Variants in ARMC9 observed in about 807,000 individuals in gnomAD.
ARMC9 encodes the protein armadillo repeat containing 9, also known as lisH domain-containing protein ARMC9.
In ARMC9, 94 loss-of-function variants were observed where a neutral mutation model predicts 107.0. The ratio of observed to expected loss-of-function variants is 0.88; its 90% CI spans 0.74 to 1.04. ARMC9 has a LOEUF of 1.04. ARMC9 is among the 50% of genes least tolerant of loss of function. ARMC9 has a pLI of 0.00. For synonymous variants in ARMC9, 380 were observed against 396.9 expected, an observed-to-expected ratio of 0.96 and a Z score of 0.51; for missense variants, 942 against 1,030.1, an observed-to-expected ratio of 0.91 and a Z score of 1.17.
intron 3 of ARMC9, among the ~76,000 whole-genome samples, chr2:231,212,372 G>A (rs1441656895): frequency 6.6e-6 from 1 of 152,220 alleles, no homozygotes; most frequent in East Asian, 1.9e-4. Flanking sequence ...AATGATAGAT[G>A]TGATTGTAAT....
intron 9 of ARMC9, among the ~76,000 whole-genome samples, chr2:231,249,648 G>A (rs1226835964): frequency 6.6e-6 from 1 of 152,108 alleles, no homozygotes. Context: ...CTACCCAAAG[G>A]TTCCAGAGAA....
chr2:231,264,037 T>A (rs544886458), intron 12 of ARMC9, among the ~76,000 whole-genome samples: 2 of 152,330 alleles, frequency 1.3e-5, no homozygotes, highest in East Asian at 1.9e-4. Flanking sequence ...CTTTCTTGAT[T>A]ATGTATAAAA....
intron 19 of ARMC9, among the ~76,000 whole-genome samples, chr2:231,300,964 T>G (rs2041684390): frequency 6.6e-6 from 1 of 151,748 alleles, no homozygotes; most frequent in Non-Finnish European, 1.5e-5. Flanking sequence ...ATAAGCTTTA[T>G]CCTTTGCCTC....
chr2:231,223,619 G>A (rs112399142), intron 6 of ARMC9, among the ~76,000 whole-genome samples: 5 of 152,148 alleles, frequency 3.3e-5, no homozygotes. Flanking sequence ...ACTTTGCTGC[G>A]TAATACCTTC....
At chr2:231,245,926 C>T (rs1434941154) in intron 9 of ARMC9, among the ~76,000 whole-genome samples, 2 of 152,184 alleles carry the variant, frequency 1.3e-5, no homozygotes, top group Non-Finnish European at 2.9e-5. Context: ...GTTCCACCCA[C>T]ACCAAGCCTC....
rs1259300043 is a variant in ARMC9 at position 231,331,819 on chromosome 2, T to TCTGGACAAAGACGAA, written c.1804_1818dup (p.Asp602_Leu606dup). The TCTGGACAAAGACGAA allele has an allele frequency of 6.2e-7, 1 of 1,614,012 alleles. No individual in the cohort carries two copies. ...AGGACCATGACATCATGGAAGCCGATCTGGACAAAGACGAACTGATCCAGC... is the reference window on the plus strand; with the variant it reads ...AGGACCATGACATCATGGAAGCCGATCTGGACAAAGACGAACTGGACAAAGACGAACTGATCCAGC... On this transcript the variant is annotated inframe_insertion, in exon 20 of 25. Coordinates refer to ENST00000611582, the MANE Select transcript of ARMC9 (RefSeq NM_001352754.2).
chr2:231,370,658 G>A (rs1416237809), intron 24 of ARMC9: 1 of 162,582 alleles, frequency 6.2e-6, no homozygotes, highest in Admixed American at 6.2e-5. Context: ...GGGCCCAAGG[G>A]CCCCCACTCT....
Position 231,198,634 on chromosome 2 carries a change from C to G in ARMC9, c.-106C>G, listed in dbSNP as rs920321590. On this transcript the variant is annotated 5_prime_UTR_variant, in exon 1 of 25. Coordinates refer to ENST00000611582, the MANE Select transcript of ARMC9 (RefSeq NM_001352754.2). Reference sequence around the variant, plus strand: ...CGCCGGGGTGGCGGCGGCGGTTGCCCGGGTGACGGCTGCGGAGGTGGCGGC... The same window carrying G: ...CGCCGGGGTGGCGGCGGCGGTTGCCGGGGTGACGGCTGCGGAGGTGGCGGC... The G allele has an allele frequency of 6.6e-6, 1 of 152,102 alleles. No homozygotes were observed. The highest frequency in any genetic ancestry group is 2.4e-5 in the African/African-American group (1 of 41,440). 9.4% of individuals were successfully genotyped at this position (152,102 alleles called of 1,614,324 possible). A position where few individuals can be genotyped will look rare whatever the true frequency, so the allele number is the denominator to read the frequency against.
chr2:231,267,609 T>G (rs2038967048), intron 12 of ARMC9, among the ~76,000 whole-genome samples: 1 of 152,182 alleles, frequency 6.6e-6, no homozygotes, highest in Non-Finnish European at 1.5e-5. Context: ...CTACTTCTAG[T>G]TCTCAGGGGT....
At chr2:231,336,315 C>T (rs949461360) in intron 20 of ARMC9, among the ~76,000 whole-genome samples, 1 of 151,908 alleles carries the variant, frequency 6.6e-6, no homozygotes, top group African/African-American at 2.4e-5. Flanking sequence ...GACTGCTTCA[C>T]ACAACTCCAT....
chr2:231,302,459 T>TC (rs1308523838), intron 19 of ARMC9, among the ~76,000 whole-genome samples: 3 of 146,308 alleles, frequency 2.1e-5, no homozygotes, highest in Non-Finnish European at 4.5e-5. Context: ...TTTTTTTTTT[T>TC]TTTGCCAATC....
intron 23 of ARMC9, among the ~76,000 whole-genome samples, chr2:231,367,345 C>T (rs907359657): frequency 6.6e-6 from 1 of 152,094 alleles, no homozygotes; most frequent in African/African-American, 2.4e-5. Flanking sequence ...TGACCCTGAC[C>T]CTGCAACTTG....
chr2:231,209,344 G>A (rs992024396), intron 3 of ARMC9, among the ~76,000 whole-genome samples: 23 of 152,148 alleles, frequency 1.5e-4, no homozygotes, highest in African/African-American at 5.3e-4. Flanking sequence ...TCATACTGCT[G>A]CACTCCAGCT....
intron 12 of ARMC9, among the ~76,000 whole-genome samples, chr2:231,268,773 C>A (rs1356459615): frequency 6.6e-6 from 1 of 152,058 alleles, no homozygotes; most frequent in Non-Finnish European, 1.5e-5. Context: ...TACAGAAATC[C>A]AAAGCCAGCT....
At chr2:231,269,334 A>T (rs2039107782) in intron 12 of ARMC9, among the ~76,000 whole-genome samples, 2 of 146,516 alleles carry the variant, frequency 1.4e-5, no homozygotes. Flanking sequence ...CTGGTTTTCT[A>T]TTATAGTTTT....
At chr2:231,270,249 C>T (rs2039211092) in intron 12 of ARMC9, among the ~76,000 whole-genome samples, 1 of 152,224 alleles carries the variant, frequency 6.6e-6, no homozygotes, top group Admixed American at 6.5e-5. Flanking sequence ...TCTAGAACCC[C>T]GGCAAGCCTT....
In ARMC9 at chr2:231,360,804, G is replaced by A. The variant is rs1692041454; in HGVS notation, c.2182G>A (p.Glu728Lys). 1.3e-6 allele frequency: 2 copies of A among 1,536,160 alleles called. No individual in the cohort carries two copies. The highest frequency in any genetic ancestry group is 8.7e-7 in the Non-Finnish European group (1 of 1,146,904). The change falls in exon 23 of 25, where the codon GAG becomes AAG. Residue 728 changes from glutamate (E) to lysine (K), a missense_variant. Coordinates refer to ENST00000611582, the MANE Select transcript of ARMC9 (RefSeq NM_001352754.2). This position sits in a 1 kb window ranked among gnomAD's most constrained non-coding sequence, Gnocchi z 4.7. Reference protein sequence around the residue: ...GEWLPRGRQEEPRPAPTGTPR... With the variant: ...GEWLPRGRQEKPRPAPTGTPR... ...GTGGCTCCCAAGAGGACGCCAGGAA[G>A]AGCCTCGCCCAGCCCCCACGGGGAC...
At position 231,374,441 on chromosome 2, in the gene ARMC9, G is replaced by A. The variant is rs1383662116; in HGVS notation, c.*2906G>A. 5 of 152,116 alleles carry A rather than the reference G, an allele frequency of 3.3e-5. No homozygotes were observed. Among genetic ancestry groups the A allele is most frequent in the Non-Finnish European group, 7.3e-5 (5 of 68,036 alleles). The allele number at this position is 152,116 out of a possible 1,614,324, so 9.4% of individuals were successfully genotyped here. A position where few individuals can be genotyped will look rare whatever the true frequency, so the allele number is the denominator to read the frequency against. On this transcript the variant is annotated 3_prime_UTR_variant, in exon 25 of 25. Coordinates refer to ENST00000611582, the MANE Select transcript of ARMC9 (RefSeq NM_001352754.2). ...CTGGCAAGAGCTTAAATTAGGACCT[G>A]TGGTGGGGACTTTAATAGGCAGGTG...
intron 11 of ARMC9, among the ~76,000 whole-genome samples, chr2:231,261,932 C>T (rs1044970399): frequency 4.0e-5 from 6 of 151,330 alleles, no homozygotes; most frequent in Non-Finnish European, 8.8e-5. Context: ...ACGCCATTCT[C>T]CTGCCTCAGC....
Sources: gnomAD v4.1 joint callset for allele counts (sites outside exome capture counted in the v4.1 genomes callset) on GRCh38, gnomAD v4.1.1 for gene constraint, Gnocchi (gnomAD v3.1) non-coding constraint, MANE v1.5 for transcripts, NCBI Gene and HGNC (gene_info 2026-07-23, HGNC 2026-07-21) for gene names.